Variants in MYOCD observed in about 807,000 individuals in gnomAD.
MYOCD encodes the protein myocardin.
In MYOCD, 32 loss-of-function variants were observed where a neutral mutation model predicts 96.1. The observed-to-expected ratio is 0.33, with a 90% CI of 0.25 to 0.45. The LOEUF is 0.45. Ranked by LOEUF, MYOCD falls within the 20% of genes least tolerant of loss-of-function variation. The probability of loss-of-function intolerance (pLI) is 1.00; values close to 1 mark genes in which losing one functional copy is unlikely to be tolerated. For missense variants in MYOCD, 1,133 were observed against 1,200.6 expected, an observed-to-expected ratio of 0.94 and a Z score of 0.83; for synonymous variants, 469 against 469.0, an observed-to-expected ratio of 1.00 and a Z score of 0.00.
intron 1 of MYOCD, among the ~76,000 whole-genome samples, chr17:12,701,669 C>G (rs927159887): frequency 2.0e-5 from 3 of 152,216 alleles, no homozygotes; most frequent in Middle Eastern, 3.4e-3. Context: ...GTATTTAAAA[C>G]TCTAAGTTTC....
chr17:12,738,918 T>C (rs766639788), intron 6 of MYOCD, among the ~76,000 whole-genome samples: 1 of 151,982 alleles, frequency 6.6e-6, no homozygotes, highest in Non-Finnish European at 1.5e-5. Flanking sequence ...TCCCTTTCTC[T>C]CTCAAAAGTG....
chr17:12,758,002 T>G, intron 11 of MYOCD, 83 bp from the exon 12 acceptor site: 1 of 1,135,806 alleles, frequency 8.8e-7, no homozygotes, highest in Non-Finnish European at 1.3e-6. Flanking sequence ...TTTTCCAAAA[T>G]TTAGCCTGTT....
chr17:12,670,781 T>C (rs1909666093), intron 1 of MYOCD, among the ~76,000 whole-genome samples: 1 of 152,246 alleles, frequency 6.6e-6, no homozygotes, highest in Non-Finnish European at 1.5e-5. Context: ...CCCTAAATAT[T>C]TTTGTAAATG....
chr17:12,709,022 G>C (rs1302808157), intron 2 of MYOCD, among the ~76,000 whole-genome samples: 1 of 152,200 alleles, frequency 6.6e-6, no homozygotes, highest in Admixed American at 6.5e-5. Context: ...AATGGCTTCA[G>C]ATTCTACATC....
At chr17:12,749,305 A>T (rs368245237) in intron 9 of MYOCD, among the ~76,000 whole-genome samples, 2 of 152,028 alleles carry the variant, frequency 1.3e-5, no homozygotes, top group Non-Finnish European at 1.5e-5. Flanking sequence ...AGGTGGGCGG[A>T]TCGCTTGAGG....
At chr17:12,675,925 A>T (rs942633206) in intron 1 of MYOCD, among the ~76,000 whole-genome samples, 3 of 152,244 alleles carry the variant, frequency 2.0e-5, no homozygotes, top group Non-Finnish European at 2.9e-5. Context: ...TTTCAAAGAT[A>T]TAAGTAGAAC....
At chr17:12,748,602 A>G (rs1278641092) in intron 9 of MYOCD, among the ~76,000 whole-genome samples, 1 of 152,202 alleles carries the variant, frequency 6.6e-6, no homozygotes, top group Non-Finnish European at 1.5e-5. Flanking sequence ...CTTTGTCCTG[A>G]ACAAGCGCAT....
intron 12 of MYOCD, 83 bp from the exon 13 acceptor site, chr17:12,760,567 T>C: frequency 8.7e-7 from 1 of 1,151,816 alleles, no homozygotes; most frequent in East Asian, 2.4e-5. Flanking sequence ...TAGTTCAAAA[T>C]CTTGCAGTGC....
chr17:12,757,643 C>T (rs1597814942), intron 11 of MYOCD, among the ~76,000 whole-genome samples: 1 of 152,122 alleles, frequency 6.6e-6, no homozygotes, highest in Non-Finnish European at 1.5e-5. Context: ...ATTACAGGCG[C>T]ACCACCATGC....
intron 4 of MYOCD, among the ~76,000 whole-genome samples, chr17:12,720,999 G>A (rs2031816800): frequency 6.9e-6 from 1 of 145,974 alleles, no homozygotes; most frequent in African/African-American, 2.5e-5. Context: ...TCCAGCCTGG[G>A]CAACAGAGCA....
chr17:12,691,884 C>A (rs576102913), intron 1 of MYOCD, among the ~76,000 whole-genome samples: 1 of 152,170 alleles, frequency 6.6e-6, no homozygotes, highest in Non-Finnish European at 1.5e-5. Context: ...ATAATACACA[C>A]TCCTCAAGGA....
chr17:12,712,414 C>A (rs1303980902), intron 2 of MYOCD, among the ~76,000 whole-genome samples: 1 of 152,134 alleles, frequency 6.6e-6, no homozygotes, highest in Non-Finnish European at 1.5e-5. Flanking sequence ...AGTTGCCCAA[C>A]TCCAGGGACC....
At chr17:12,697,443 A>C (rs1367365831) in intron 1 of MYOCD, among the ~76,000 whole-genome samples, 1 of 145,174 alleles carries the variant, frequency 6.9e-6, no homozygotes, top group African/African-American at 2.6e-5. Flanking sequence ...GCTCACTGCA[A>C]GCTCCGCCTC....
intron 2 of MYOCD, among the ~76,000 whole-genome samples, chr17:12,708,430 G>T (rs2031372032): frequency 6.6e-6 from 1 of 150,872 alleles, no homozygotes; most frequent in Non-Finnish European, 1.5e-5. Flanking sequence ...GTCTCACTGT[G>T]TCGCCCAGGC....
chr17:12,749,923 C>A (rs12449438), intron 9 of MYOCD, among the ~76,000 whole-genome samples: 90,002 of 151,554 alleles, frequency 0.59, 27,127 homozygotes, highest in East Asian at 0.86. Flanking sequence ...GATCTCGGCT[C>A]ACTGCAAGCT....
chr17:12,712,425 C>G (rs1176101376), intron 2 of MYOCD, among the ~76,000 whole-genome samples: 1 of 152,038 alleles, frequency 6.6e-6, no homozygotes, highest in African/African-American at 2.4e-5. Context: ...TCCAGGGACC[C>G]TACCCTGTGC....
chr17:12,692,414 C>G (rs1488458332), intron 1 of MYOCD, among the ~76,000 whole-genome samples: 1 of 152,134 alleles, frequency 6.6e-6, no homozygotes, highest in African/African-American at 2.4e-5. Flanking sequence ...AATGCCGTCC[C>G]AATAATCCTG....
intron 1 of MYOCD, among the ~76,000 whole-genome samples, chr17:12,687,433 C>T (rs1441936461): frequency 6.6e-6 from 1 of 152,094 alleles, no homozygotes; most frequent in African/African-American, 2.4e-5. Context: ...GACTAGAATT[C>T]GTGGACTATT....
intron 7 of MYOCD, among the ~76,000 whole-genome samples, chr17:12,740,340 A>G (rs576321641): frequency 3.3e-5 from 5 of 152,146 alleles, no homozygotes; most frequent in African/African-American, 1.2e-4. Flanking sequence ...ATCTTCCCCC[A>G]ATCCCCAAAT....
Sources: gnomAD v4.1 joint callset for allele counts (sites outside exome capture counted in the v4.1 genomes callset) on GRCh38, gnomAD v4.1.1 for gene constraint, MANE v1.5 for transcripts, NCBI Gene and HGNC (gene_info 2026-07-23, HGNC 2026-07-21) for gene names.